PARP9: variants seen among roughly 807,000 people sequenced by gnomAD.
PARP9 encodes the protein poly(ADP-ribose) polymerase family member 9.
A neutral mutation model predicts 68.8 loss-of-function variants in PARP9; 48 were observed. That is an observed-to-expected ratio of 0.70 (90% confidence interval 0.55 to 0.89). PARP9 has a LOEUF of 0.89. Ranked by LOEUF, PARP9 falls within the 40% of genes least tolerant of loss-of-function variation. PARP9 has a pLI of 0.00. For missense variants in PARP9, 806 were observed against 969.3 expected (o/e 0.83, Z 2.24); for synonymous variants, 309 against 333.8 (o/e 0.93, Z 0.81).
intron 10 of PARP9, chr3:122,535,675 T>C (rs1576380893): frequency 1.0e-6 from 1 of 987,912 alleles, no homozygotes; most frequent in Non-Finnish European, 1.2e-6. Context: ...TAAGATGTTA[T>C]GCACTTCACC....
At position 122,555,358 on chromosome 3, in the gene PARP9, G is replaced by T. The variant is rs769190414; in HGVS notation, c.813C>A (p.Thr271=). 1.0e-4 allele frequency: 163 copies of T among 1,613,964 alleles called. No individual in the cohort carries two copies. The highest frequency in any genetic ancestry group is 1.3e-4 in the Non-Finnish European group (148 of 1,180,014). ...LGKSELGQET[T]PSFNAMVVNN... ...TCACGACCATTGCATTGAAAGAAGG[G>T]GTGGTTTCTTGTCCCAGCTCACTCT... Residue 271 remains threonine (T), a synonymous_variant, in exon 4 of 11, where the codon ACC becomes ACA. Coordinates refer to ENST00000682323, the MANE Select transcript of PARP9 (RefSeq NM_001146105.2).
In PARP9 at chr3:122,550,602, T is replaced by A. The variant is rs2079123781; in HGVS notation, c.1308A>T (p.Thr436=). ...QLTVKFVIFP[T]DLEIYKAFSS... ...AACTTACCTTATATATCTCCAAATC[T>A]GTTGGAAAGATCACAAATTTTACAG... is the stretch of plus-strand genomic sequence containing the variant. Residue 436 remains threonine (T), a synonymous_variant, in exon 6 of 11, where the codon ACA becomes ACT. Coordinates refer to ENST00000682323, the MANE Select transcript of PARP9 (RefSeq NM_001146105.2). 1.2e-6 allele frequency: 2 copies of A among 1,611,552 alleles called. No homozygotes were observed. Among genetic ancestry groups the A allele is most frequent in the African/African-American group, 2.7e-5 (2 of 74,836 alleles).
In PARP9 at chr3:122,555,337, G is replaced by A. The variant is rs377456121; in HGVS notation, c.834C>T (p.Val278=). 85 of 1,613,934 alleles carry A rather than the reference G, an allele frequency of 5.3e-5. No individual in the cohort carries two copies. The highest frequency in any genetic ancestry group is 6.6e-5 in the Non-Finnish European group (78 of 1,179,994). The part of the protein sequence containing the change: ...QETTPSFNAM[V]VNNLTLQIVQ... ...CAATCTGGAGGGTCAGGTTGTTCAC[G>A]ACCATTGCATTGAAAGAAGGGGTGG... The change falls in exon 4 of 11, where the codon GTC becomes GTT. Residue 278 remains valine, a synonymous_variant. Transcript: ENST00000682323.
Position 122,555,745 on chromosome 3 carries a change from A to G in PARP9, c.426T>C (p.Ala142=), listed in dbSNP as rs1176503882. 6.2e-7 allele frequency: 1 copy of G among 1,614,010 alleles called. No individual in the cohort carries two copies. The highest frequency in any genetic ancestry group is 1.7e-5 in the Admixed American group (1 of 59,992). The change falls in exon 4 of 11, where the codon GCT becomes GCC. Residue 142 remains alanine, a synonymous_variant. Transcript: ENST00000682323. ...QFVARYGKVS[A]GEIAVTGAGR... is the part of the protein sequence containing the mutation. ...CTGCTCCCGTGACAGCTATCTCACCAGCTGACACTTTACCATATCTGGCAA... is the reference window on the plus strand; with the variant it reads ...CTGCTCCCGTGACAGCTATCTCACCGGCTGACACTTTACCATATCTGGCAA...
chr3:122,528,718 G>A lies in PARP9; in HGVS notation c.2106C>T (p.Tyr702=). 6.2e-7 allele frequency: 1 copy of A among 1,606,710 alleles called. No individual in the cohort carries two copies. Among genetic ancestry groups the A allele is most frequent in the South Asian group, 1.1e-5 (1 of 90,156 alleles). ...CCAGGTTTTTGAGGTTCTTGGTGAA[G>A]TATATGCCAGCTCCGTATTTTGGAT... is the stretch of plus-strand genomic sequence containing the variant. ...PCDPKYGAGI[Y]FTKNLKNLAE... Residue 702 remains tyrosine (Y), a synonymous_variant, in exon 11 of 11, where the codon TAC becomes TAT. Coordinates refer to ENST00000682323, the MANE Select transcript of PARP9 (RefSeq NM_001146105.2).
rs1191920046 is a variant in PARP9, at chr3:122,535,290, T to C, written c.2080+878A>G. ...TATTTTTATCCCCAGTAATTGTCTA[T>C]GTTCAACATTTACCCCAAGTTTTGC... is the stretch of plus-strand genomic sequence containing the variant. On this transcript the variant is annotated intron_variant, in intron 10 of 10. Coordinates refer to ENST00000682323, the MANE Select transcript of PARP9 (RefSeq NM_001146105.2). 6.1e-6 allele frequency: 6 copies of C among 985,332 alleles called. No homozygotes were observed. In the Admixed American group the frequency reaches 3.7e-4, roughly 61 times the overall value. The allele number at this position is 985,332 out of a possible 1,614,324, so 61.0% of individuals were successfully genotyped here. A position where few individuals can be genotyped will look rare whatever the true frequency, so the allele number is the denominator to read the frequency against.
At position 122,556,271 on chromosome 3, in the gene PARP9, T is replaced by C. The variant is rs907265205; in HGVS notation, c.50-150A>G. ...CTTCATGTAGTGCTCTTCATGATTCTTCTTCTCAACTACACATATAATTAG... is the reference window on the plus strand; with the variant it reads ...CTTCATGTAGTGCTCTTCATGATTCCTCTTCTCAACTACACATATAATTAG... On this transcript the variant is annotated intron_variant, in intron 3 of 10. Coordinates refer to ENST00000682323, the MANE Select transcript of PARP9 (RefSeq NM_001146105.2). 23 of 600,134 alleles carry C rather than the reference T, an allele frequency of 3.8e-5. 1 individual carries two copies. The Middle Eastern group carries it at 2.7e-3, about 70-fold the overall frequency. The allele number at this position is 600,134 out of a possible 1,614,324, so 37.2% of individuals were successfully genotyped here.
intron 6 of PARP9, among the ~76,000 whole-genome samples, chr3:122,548,331 C>A (rs1297281479): frequency 6.6e-6 from 1 of 152,206 alleles, no homozygotes; most frequent in Non-Finnish European, 1.5e-5. Context: ...TATGAGCAGT[C>A]AGAGAACTAA....
intron 7 of PARP9, 118 bp from the exon 8 acceptor site, chr3:122,540,970 A>G: frequency 8.6e-7 from 1 of 1,164,502 alleles, no homozygotes; most frequent in South Asian, 1.6e-5. Context: ...AGCTCACTGC[A>G]AGCTCCGCCT....
At chr3:122,535,883 T>G in intron 10 of PARP9, 1 of 1,261,408 alleles carries the variant, frequency 7.9e-7, no homozygotes, top group Non-Finnish European at 1.0e-6. Flanking sequence ...TCTCTGCGGA[T>G]AGGACACAGA....
intron 8 of PARP9, among the ~76,000 whole-genome samples, chr3:122,539,511 CT>C (rs952855055): frequency 5.9e-5 from 1 of 16,964 alleles, no homozygotes; most frequent in Non-Finnish European, 1.3e-4. Flanking sequence ...GATGGCATTT[CT>C]TTCTTTCTTT....
chr3:122,558,069 C>A (rs182695601), intron 3 of PARP9, among the ~76,000 whole-genome samples: 109 of 152,290 alleles, frequency 7.2e-4, no homozygotes, highest in African/African-American at 2.6e-3. Context: ...TTGGCCTGAG[C>A]TTTGGTTGAA....
At chr3:122,559,877 T>A (rs1280968913) in intron 1 of PARP9, among the ~76,000 whole-genome samples, 168 bp from the exon 2 acceptor site, 1 of 152,254 alleles carries the variant, frequency 6.6e-6, no homozygotes, top group East Asian at 1.9e-4. Flanking sequence ...GTTTGCCTTC[T>A]ACCCTTTCCA....
chr3:122,552,702 AATCTTTACTTCCCT>A, intron 4 of PARP9, 63 bp from the exon 5 acceptor site: 3 of 1,257,462 alleles, frequency 2.4e-6, no homozygotes, highest in Non-Finnish European at 2.3e-6. Context: ...GACTAATTTA[AATCTTTACTTCCCT>A]GAAGAGCTTT....
chr3:122,536,950 C>A lies in PARP9; in HGVS notation c.1889G>T (p.Gly630Val). ...LDQKKQFEKC[G>V]LQVLKVEKID... ...TAGGTATACCTTTAGAACCTGCAAA[C>A]CACATTTTTCAAACTGTTTCTTTTG... The change falls in exon 9 of 11, where the codon GGT (glycine) becomes GTT (valine). Residue 630 changes from glycine to valine, a missense_variant. This residue lies in a region of PARP9 where 680 missense variants were observed against 858.8 expected (regional missense o/e 0.79). Transcript: ENST00000682323. 1.2e-6 allele frequency: 2 copies of A among 1,612,828 alleles called. No homozygotes were observed. The highest frequency in any genetic ancestry group is 1.7e-6 in the Non-Finnish European group (2 of 1,179,684).
chr3:122,563,211 T>C (rs1264808397), intron 1 of PARP9, among the ~76,000 whole-genome samples: 1 of 152,180 alleles, frequency 6.6e-6, no homozygotes, highest in Non-Finnish European at 1.5e-5. Flanking sequence ...CAGGTCATCT[T>C]CACTGCTCTT....
At chr3:122,530,921 G>A (rs1427146719) in intron 10 of PARP9, among the ~76,000 whole-genome samples, 1 of 152,064 alleles carries the variant, frequency 6.6e-6, no homozygotes, top group Non-Finnish European at 1.5e-5. Context: ...AAATTAGTCA[G>A]GTATTGTGCC....
intron 8 of PARP9, 105 bp downstream of exon 8, chr3:122,540,367 C>T: frequency 7.3e-7 from 1 of 1,369,138 alleles, no homozygotes; most frequent in Non-Finnish European, 9.8e-7. Context: ...TTTGATCCCT[C>T]CTCTCTCCTT....
chr3:122,528,627 T>C lies in PARP9; in HGVS notation c.2197A>G (p.Thr733Ala), dbSNP rs746022129. The C allele has an allele frequency of 1.9e-6, 3 of 1,614,056 alleles. No homozygotes were observed. In the African/African-American group the frequency reaches 4.0e-5, roughly 22 times the overall value. ...GGATGTCCCTGGCAGAAGAAGCCTG[T>C]GAGTACTTCAGCCTCAAACACATAG... ...LIYVFEAEVL[T>A]GFFCQGHPLN... The change falls in exon 11 of 11, where the codon ACA (threonine) becomes GCA (alanine). Residue 733 changes from threonine (T) to alanine (A), a missense_variant. Physicochemically the swap from Thr to Ala is moderately conservative, Grantham distance 58. Around this residue, in one of 2 missense-constraint regions of PARP9, gnomAD observed 680 missense variants for 858.8 expected, o/e 0.79. Coordinates refer to ENST00000682323, the MANE Select transcript of PARP9 (RefSeq NM_001146105.2).
Sources: allele counts gnomAD v4.1 joint callset (sites outside exome capture counted in the v4.1 genomes callset), GRCh38; gene constraint gnomAD v4.1.1; regional missense constraint gnomAD v4.1.1; transcripts MANE v1.5; gene names NCBI Gene and HGNC (gene_info 2026-07-23, HGNC 2026-07-21).